TNFSF13B: variants seen among roughly 807,000 people sequenced by gnomAD.
TNFSF13B encodes the protein TNF superfamily member 13b.
TNFSF13B carries 8 observed loss-of-function variants against 29.1 expected under a neutral mutation model. That is an observed-to-expected ratio of 0.27 (90% CI 0.16 to 0.50). The LOEUF is 0.50. Among genes scored for constraint, TNFSF13B ranks in the 20% least tolerant of loss-of-function variants. The pLI, the probability that TNFSF13B is intolerant of heterozygous loss-of-function variation, is 0.98. For synonymous variants in TNFSF13B, 125 were observed against 130.8 expected, an observed-to-expected ratio of 0.96 and a Z score of 0.30; for missense variants, 248 against 334.9, an observed-to-expected ratio of 0.74 and a Z score of 2.03.
At chr13:108,281,727 G>A (rs1170782379) in intron 2 of TNFSF13B, among the ~76,000 whole-genome samples, 1 of 152,096 alleles carries the variant, frequency 6.6e-6, no homozygotes, top group Non-Finnish European at 1.5e-5. Flanking sequence ...CAAAGTTCTC[G>A]ACTTTTATTA....
chr13:108,276,039 C>T (rs1336312068), intron 2 of TNFSF13B, among the ~76,000 whole-genome samples: 1 of 152,092 alleles, frequency 6.6e-6, no homozygotes, highest in Non-Finnish European at 1.5e-5. Flanking sequence ...AATCCAAAGT[C>T]CAACTCCTTT....
In TNFSF13B at chr13:108,284,331, A is replaced by T. The variant is rs564138035; in HGVS notation, c.425-2472A>T. On this transcript the variant is annotated intron_variant, in intron 2 of 5. Transcript: ENST00000375887. ...GCGACAGAGCGAGACTCCGTCTCAA[A>T]AAATAAATAAATAAATAAATAAATG... Among the ~76,000 whole-genome samples, 156 of 140,456 alleles carry T rather than the reference A, an allele frequency of 1.1e-3. 1 individual carries two copies. Among genetic ancestry groups the T allele is most frequent in the Admixed American group, 8.3e-3 (101 of 12,116 alleles). 92.1% of individuals were successfully genotyped at this position (140,456 alleles called of 152,430 possible). A position where few individuals can be genotyped will look rare whatever the true frequency, so the allele number is the denominator to read the frequency against.
intron 2 of TNFSF13B, among the ~76,000 whole-genome samples, chr13:108,282,709 C>A (rs188754617): frequency 6.6e-6 from 1 of 152,020 alleles, no homozygotes; most frequent in Admixed American, 6.6e-5. Flanking sequence ...TTCTCTTATG[C>A]TGTAAAACGG....
At chr13:108,271,530 T>C (rs1484083028) in intron 2 of TNFSF13B, among the ~76,000 whole-genome samples, 1 of 151,980 alleles carries the variant, frequency 6.6e-6, no homozygotes, top group African/African-American at 2.4e-5. Context: ...TTTGACTATA[T>C]GCTTTATTCA....
chr13:108,303,815 T>C lies in TNFSF13B; in HGVS notation c.745+211T>C, dbSNP rs180851865. On this transcript the variant is annotated intron_variant, in intron 5 of 5. Coordinates refer to ENST00000375887, the MANE Select transcript of TNFSF13B (RefSeq NM_006573.5). ...GGAATTATTACTAATAGTTTTACCA[T>C]TTTTATATACATTTAGAAAGGGTAG... Among the ~76,000 whole-genome samples the C allele has an allele frequency of 2.1e-3, 323 of 152,322 alleles. 1 individual carries two copies. The highest frequency in any genetic ancestry group is 0.02 in the Middle Eastern group (6 of 294).
At chr13:108,302,527 A>T (rs1226859238) in intron 3 of TNFSF13B, among the ~76,000 whole-genome samples, 1 of 86,756 alleles carries the variant, frequency 1.2e-5, no homozygotes, top group Non-Finnish European at 2.2e-5. Flanking sequence ...ATTCTGGCTC[A>T]GCAATGTAGT....
chr13:108,303,855 C>T (rs1390221905), intron 5 of TNFSF13B, among the ~76,000 whole-genome samples: 2 of 152,130 alleles, frequency 1.3e-5, no homozygotes, highest in Non-Finnish European at 2.9e-5. Context: ...TTCATAGCAA[C>T]TTCTACCTTG....
In TNFSF13B at chr13:108,306,866, A is replaced by C. The variant is rs1009410365; in HGVS notation, c.786A>C (p.Ala262=). Reference sequence around the variant, plus strand: ...AAGAAGGAGATGAACTCCAACTTGCAATACCAAGAGAAAATGCACAAATAT... The same window carrying C: ...AAGAAGGAGATGAACTCCAACTTGCCATACCAAGAGAAAATGCACAAATAT... ...KLEEGDELQL[A]IPRENAQISL... Residue 262 remains alanine (A), a synonymous_variant, in exon 6 of 6, where the codon GCA becomes GCC. Coordinates refer to ENST00000375887, the MANE Select transcript of TNFSF13B (RefSeq NM_006573.5). 3 of 1,611,674 alleles carry C rather than the reference A, an allele frequency of 1.9e-6. No homozygotes were observed. The highest frequency in any genetic ancestry group is 8.5e-7 in the Non-Finnish European group (1 of 1,178,622).
chr13:108,298,750 G>T (rs1377796687), intron 3 of TNFSF13B, among the ~76,000 whole-genome samples: 1 of 145,452 alleles, frequency 6.9e-6, no homozygotes, highest in Non-Finnish European at 1.5e-5. Context: ...GCCAAGGCAG[G>T]ATCACAAGGT....
At position 108,286,814 on chromosome 13, in the gene TNFSF13B, T is replaced by G. The variant is rs199561084; in HGVS notation, c.436T>G (p.Cys146Gly). 2 of 1,572,388 alleles carry G rather than the reference T, an allele frequency of 1.3e-6. No individual in the cohort carries two copies. The highest frequency in any genetic ancestry group is 3.5e-5 in the Admixed American group (2 of 57,016). Residue 146 changes from cysteine to glycine, a missense_variant, in exon 3 of 6, where the codon TGC becomes GGC. Cys to Gly is a radical substitution (Grantham distance 159). This residue lies in a region of TNFSF13B where 186 missense variants were observed against 196.3 expected (regional missense o/e 0.95). Coordinates refer to ENST00000375887, the MANE Select transcript of TNFSF13B (RefSeq NM_006573.5). Reference sequence around the variant, plus strand: ...TTTTTGCTTTTTAGTCACTCAAGACTGCTTGCAACTGATTGCAGACAGTGA... The same window carrying G: ...TTTTTGCTTTTTAGTCACTCAAGACGGCTTGCAACTGATTGCAGACAGTGA... ...QGPEETVTQD[C>G]LQLIADSETP...
chr13:108,304,420 G>A (rs1881713510), intron 5 of TNFSF13B, among the ~76,000 whole-genome samples: 1 of 152,158 alleles, frequency 6.6e-6, no homozygotes, highest in Non-Finnish European at 1.5e-5. Context: ...CGAAAGTGTA[G>A]GCGCAAACCT....
chr13:108,307,685 G>GT lies in TNFSF13B; in HGVS notation c.*748dup, dbSNP rs1431067133. ...GAATTTCAGAAACTTTTAATATCAG[G>GT]TAATTTCAATTTATGCCTATAAAGC... On this transcript the variant is annotated 3_prime_UTR_variant, in exon 6 of 6. Transcript: ENST00000375887. 24 of 151,846 alleles carry GT rather than the reference G, an allele frequency of 1.6e-4. No homozygotes were observed. Among genetic ancestry groups the GT allele is most frequent in the Non-Finnish European group, 2.8e-4 (19 of 67,900 alleles). The allele number at this position is 151,846 out of a possible 1,614,324, so 9.4% of individuals were successfully genotyped here.
intron 3 of TNFSF13B, among the ~76,000 whole-genome samples, chr13:108,296,106 TC>T (rs1178100614): frequency 6.9e-6 from 1 of 145,850 alleles, no homozygotes; most frequent in Non-Finnish European, 1.5e-5. Flanking sequence ...TCTGTTAGGT[TC>T]AGTTAGTTTA....
intron 3 of TNFSF13B, among the ~76,000 whole-genome samples, chr13:108,301,882 C>G (rs929213255): frequency 2.0e-5 from 3 of 152,160 alleles, no homozygotes; most frequent in Non-Finnish European, 4.4e-5. Flanking sequence ...TTCAAGACAT[C>G]ATGTTGTACA....
rs755558609 is a variant in TNFSF13B, at chr13:108,270,016, T to A, written c.121T>A (p.Ser41Thr). ...ACGGAAGGAAAGCCCCTCTGTCCGA[T>A]CCTCCAAAGACGGAAAGCTGCTGGC... Reference protein sequence around the residue: ...LPRKESPSVRSSKDGKLLAAT... With the variant: ...LPRKESPSVRTSKDGKLLAAT... Residue 41 changes from serine (S) to threonine (T), a missense_variant, in exon 1 of 6, where the codon TCC becomes ACC. Physicochemically the swap from Ser to Thr is moderately conservative, Grantham distance 58. Transcript: ENST00000375887. 6.2e-7 allele frequency: 1 copy of A among 1,612,878 alleles called. No homozygotes were observed. The highest frequency in any genetic ancestry group is 8.5e-7 in the Non-Finnish European group (1 of 1,179,978).
chr13:108,278,184 C>T (rs1880810660), intron 2 of TNFSF13B, among the ~76,000 whole-genome samples: 1 of 151,848 alleles, frequency 6.6e-6, no homozygotes, highest in Non-Finnish European at 1.5e-5. Flanking sequence ...TCAAGTGTGC[C>T]ACCAGATTTG....
intron 3 of TNFSF13B, among the ~76,000 whole-genome samples, chr13:108,296,091 A>C (rs1176295719): frequency 6.9e-6 from 1 of 145,708 alleles, no homozygotes; most frequent in Non-Finnish European, 1.5e-5. Context: ...AGTGTTTTCT[A>C]TGTGTCTGTT....
At chr13:108,292,757 T>G (rs1881356931) in intron 3 of TNFSF13B, among the ~76,000 whole-genome samples, 1 of 152,114 alleles carries the variant, frequency 6.6e-6, no homozygotes, top group Non-Finnish European at 1.5e-5. Flanking sequence ...TGTCCATGTG[T>G]TTTAATTGGG....
Position 108,308,408 on chromosome 13 carries a change from G to A in TNFSF13B, c.*1470G>A, listed in dbSNP as rs1881838159. 1.3e-5 allele frequency: 2 copies of A among 152,074 alleles called. No homozygotes were observed. Among genetic ancestry groups the A allele is most frequent in the African/African-American group, 4.8e-5 (2 of 41,426 alleles). The allele number at this position is 152,074 out of a possible 1,614,324, so 9.4% of individuals were successfully genotyped here. ...AGTGGAGTCAGTTTCAATGCTAGGT[G>A]GGGTGGTTAATGATTTTTCTGGTGT... On this transcript the variant is annotated 3_prime_UTR_variant, in exon 6 of 6. Coordinates refer to ENST00000375887, the MANE Select transcript of TNFSF13B (RefSeq NM_006573.5).
Sources: gnomAD v4.1 joint callset for allele counts (sites outside exome capture counted in the v4.1 genomes callset) on GRCh38, gnomAD v4.1.1 for gene constraint, gnomAD v4.1.1 regional missense constraint, MANE v1.5 for transcripts, NCBI Gene and HGNC (gene_info 2026-07-23, HGNC 2026-07-21) for gene names.